The following AFF2 variants were observed in gnomAD, a reference collection of about 807,000 sequenced individuals.
AFF2 encodes ALF transcription elongation factor 2, also known as AF4/FMR2 family member 2.
AFF2 carries 14 observed loss-of-function variants against 76.9 expected under a neutral mutation model. That is an observed-to-expected ratio of 0.18 (90% CI 0.12 to 0.28). AFF2 has a LOEUF of 0.28. Ranked by LOEUF, AFF2 falls within the 10% of genes least tolerant of loss-of-function variation. The pLI is 1.00. For missense variants in AFF2, 868 were observed against 1,001.1 expected (o/e 0.87, Z 1.79); for synonymous variants, 398 against 366.7 (o/e 1.09, Z -0.98).
chrX:148,848,942 C>G (rs1557275019), intron 7 of AFF2, among the ~76,000 whole-genome samples: 1 of 111,461 alleles, frequency 9.0e-6, no homozygotes, highest in Admixed American at 9.5e-5. Flanking sequence ...GCAGAGAAAA[C>G]AAAATTTGGC....
chrX:148,787,404 T>C (rs1309336607), intron 3 of AFF2, among the ~76,000 whole-genome samples: 9 of 111,771 alleles, frequency 8.1e-5, no homozygotes, highest in African/African-American at 2.9e-4. Context: ...ATTTGTGAAT[T>C]GGAAAATCCA....
chrX:148,841,873 C>T (rs1447503909), intron 5 of AFF2, among the ~76,000 whole-genome samples: 9 of 111,722 alleles, frequency 8.1e-5, no homozygotes, highest in Admixed American at 7.6e-4. Flanking sequence ...GCCTTTTCTG[C>T]CTCTTGTTGA....
chrX:148,713,253 G>T (rs782493066), intron 3 of AFF2, among the ~76,000 whole-genome samples: 6 of 111,614 alleles, frequency 5.4e-5, no homozygotes, highest in Non-Finnish European at 9.4e-5. Flanking sequence ...GCATCTTGCA[G>T]ACCATTTATA....
intron 7 of AFF2, among the ~76,000 whole-genome samples, chrX:148,844,743 G>A (rs1383481098): frequency 9.0e-6 from 1 of 110,817 alleles, no homozygotes; most frequent in African/African-American, 3.3e-5. Flanking sequence ...GCATTTCTAC[G>A]TTCTTGGTGC....
At chrX:148,573,847 G>A (rs2053257228) in intron 1 of AFF2, among the ~76,000 whole-genome samples, 1 of 111,226 alleles carries the variant, frequency 9.0e-6, no homozygotes. Flanking sequence ...TGATTCCACA[G>A]TAAAGTTAGT....
At chrX:148,671,887 G>T (rs1225949613) in intron 3 of AFF2, among the ~76,000 whole-genome samples, 2 of 110,510 alleles carry the variant, frequency 1.8e-5, no homozygotes, top group East Asian at 5.7e-4. Context: ...AATAATGAAA[G>T]ATAGAGAACT....
intron 3 of AFF2, among the ~76,000 whole-genome samples, chrX:148,671,972 T>C (rs973397194): frequency 2.2e-4 from 25 of 111,702 alleles, no homozygotes; most frequent in African/African-American, 7.2e-4. Context: ...TTTTGTTACG[T>C]GTGTTCCAAA....
intron 7 of AFF2, among the ~76,000 whole-genome samples, chrX:148,878,037 G>A (rs1411046446): frequency 9.0e-6 from 1 of 111,612 alleles, no homozygotes; most frequent in East Asian, 2.8e-4. Context: ...GCTGAAGGGA[G>A]ACTGAGAGGG....
intron 12 of AFF2, 62 bp from the exon 13 acceptor site, chrX:148,962,653 G>A (rs1463834337): frequency 1.0e-6 from 1 of 989,906 alleles, no homozygotes; most frequent in African/African-American, 1.9e-5. Context: ...TAGCATCATG[G>A]GGAAAATCAG....
intron 3 of AFF2, among the ~76,000 whole-genome samples, chrX:148,707,772 C>A (rs1203143962): frequency 9.0e-6 from 1 of 111,284 alleles, no homozygotes; most frequent in Non-Finnish European, 1.9e-5. Flanking sequence ...ACAATAAATC[C>A]ATGCAATTGG....
At chrX:148,516,457 A>G (rs1557233818) in intron 1 of AFF2, among the ~76,000 whole-genome samples, 1 of 111,562 alleles carries the variant, frequency 9.0e-6, no homozygotes, top group African/African-American at 3.3e-5. Flanking sequence ...GAATCAAATA[A>G]CTAATGTTGA....
chrX:148,946,500 G>T (rs782087645), intron 9 of AFF2, among the ~76,000 whole-genome samples: 1 of 112,848 alleles, frequency 8.9e-6, no homozygotes, highest in Non-Finnish European at 1.9e-5. Context: ...ACACACATTT[G>T]TTATCCTAGA....
chrX:148,500,970 A>T lies in AFF2; in HGVS notation c.-128A>T. ...CTGCTGCTGCCGATGCGGCCCGGAC[A>T]CTTTTAGCTGGGCGGGAGGGCTGGA... On this transcript the variant is annotated 5_prime_UTR_variant, in exon 1 of 21. Transcript: ENST00000370460. 1.2e-6 allele frequency: 1 copy of T among 826,952 alleles called. No homozygotes were observed. The highest frequency in any genetic ancestry group is 1.6e-6 in the Non-Finnish European group (1 of 607,557). 68.2% of individuals were successfully genotyped at this position (826,952 alleles called of 1,213,427 possible).
In AFF2 at chrX:148,967,164, G is replaced by A. The variant is rs1290061260; in HGVS notation, c.3203+85G>A. On this transcript the variant is annotated intron_variant, in intron 14 of 20. Coordinates refer to ENST00000370460, the MANE Select transcript of AFF2 (RefSeq NM_002025.4). ...ATGGCTTTTCTAGTGCTGTGCATGT[G>A]TCACCCCAAATAAGACCTCAGCATC... The A allele has an allele frequency of 6.1e-6, 7 of 1,155,042 alleles. No individual in the cohort carries two copies. In the African/African-American group the frequency reaches 1.3e-4, roughly 21 times the overall value.
chrX:148,727,118 A>G (rs1484565355), intron 3 of AFF2, among the ~76,000 whole-genome samples: 4 of 112,231 alleles, frequency 3.6e-5, no homozygotes, highest in African/African-American at 9.7e-5. Context: ...TAAAATGGAA[A>G]TCTGCTTTTT....
At chrX:148,934,652 C>T (rs1460433077) in intron 9 of AFF2, among the ~76,000 whole-genome samples, 1 of 111,974 alleles carries the variant, frequency 8.9e-6, no homozygotes, top group African/African-American at 3.2e-5. Context: ...ATGCAAGTTG[C>T]TTAACGCCTC....
intron 3 of AFF2, among the ~76,000 whole-genome samples, chrX:148,684,078 A>G (rs961912178): frequency 8.9e-6 from 1 of 111,746 alleles, no homozygotes; most frequent in Non-Finnish European, 1.9e-5. Flanking sequence ...TCTATGTACA[A>G]TCTAGGTCTG....
chrX:148,876,223 C>T (rs1200632599), intron 7 of AFF2, among the ~76,000 whole-genome samples: 1 of 111,509 alleles, frequency 9.0e-6, no homozygotes, highest in African/African-American at 3.3e-5. Context: ...TGAGATATTG[C>T]ATTTAATAGT....
In AFF2 at chrX:148,955,793, C is replaced by T. The variant is rs1199163045; in HGVS notation, c.1748C>T (p.Pro583Leu). 8.3e-7 allele frequency: 1 copy of T among 1,209,554 alleles called. No individual in the cohort carries two copies. Among genetic ancestry groups the T allele is most frequent in the African/African-American group, 1.8e-5 (1 of 57,012 alleles). Residue 583 changes from proline (P) to leucine (L), a missense_variant, in exon 11 of 21, where the codon CCC becomes CTC. Transcript: ENST00000370460. ...KTNASQVPAE[P>L]KERPLLSLIR... ...AATGCCAGTCAGGTCCCAGCTGAAC[C>T]CAAAGAAAGGCCTCTCCTCAGTCTC...
Sources: allele counts gnomAD v4.1 joint callset (sites outside exome capture counted in the v4.1 genomes callset), GRCh38; gene constraint gnomAD v4.1.1; transcripts MANE v1.5; gene names NCBI Gene and HGNC (gene_info 2026-07-23, HGNC 2026-07-21).